Variants in SAMD4A observed in about 807,000 individuals in gnomAD.
The protein encoded by SAMD4A is sterile alpha motif domain containing 4A, also known as protein Smaug homolog 1.
SAMD4A carries 33 observed loss-of-function variants against 81.3 expected under a neutral mutation model. The observed-to-expected ratio is 0.41, with a 90% CI of 0.31 to 0.54. The LOEUF is 0.54. Ranked by LOEUF, SAMD4A falls within the 20% of genes least tolerant of loss-of-function variation. The pLI is 0.37. For missense variants in SAMD4A, 854 were observed against 951.1 expected, an observed-to-expected ratio of 0.90 and a Z score of 1.34; for synonymous variants, 389 against 382.1, an observed-to-expected ratio of 1.02 and a Z score of -0.21.
intron 8 of SAMD4A, among the ~76,000 whole-genome samples, chr14:54,767,521 T>C (rs867920194): frequency 1.3e-5 from 2 of 152,204 alleles, no homozygotes; most frequent in African/African-American, 4.8e-5. Context: ...AGATGAGCTC[T>C]TGCCGCTTTA....
intron 2 of SAMD4A, among the ~76,000 whole-genome samples, chr14:54,571,048 G>A (rs1053688600): frequency 5.3e-5 from 8 of 152,110 alleles, no homozygotes; most frequent in African/African-American, 1.9e-4. Flanking sequence ...AAAATTACTA[G>A]TAATAGTATG....
chr14:54,722,223 A>G (rs2037278305), intron 3 of SAMD4A, among the ~76,000 whole-genome samples: 1 of 152,190 alleles, frequency 6.6e-6, no homozygotes, highest in Non-Finnish European at 1.5e-5. Context: ...AGGTCCCATA[A>G]TATGTCTCAG....
At chr14:54,742,040 A>AAT (rs1196351331) in intron 4 of SAMD4A, among the ~76,000 whole-genome samples, 1 of 152,108 alleles carries the variant, frequency 6.6e-6, no homozygotes, top group Non-Finnish European at 1.5e-5. Flanking sequence ...AGCAGAGTGG[A>AAT]ATATACATCA....
At chr14:54,566,102 G>A (rs902637269), upstream of SAMD4A, among the ~76,000 whole-genome samples, 6 of 151,506 alleles carry the variant, frequency 4.0e-5, no homozygotes, top group African/African-American at 1.4e-4. Flanking sequence ...TCCGGCTCGG[G>A]CGGCTCAGTC....
chr14:54,727,951 A>T (rs917331407), intron 3 of SAMD4A, among the ~76,000 whole-genome samples: 4 of 152,100 alleles, frequency 2.6e-5, no homozygotes, highest in Admixed American at 1.3e-4. Context: ...AGCCCTCCTG[A>T]TCACCCTCAC....
chr14:54,696,064 G>C (rs371385619), intron 2 of SAMD4A, among the ~76,000 whole-genome samples: 1 of 151,704 alleles, frequency 6.6e-6, no homozygotes, highest in African/African-American at 2.4e-5. Flanking sequence ...CATAACTCCA[G>C]ACTGGGTTCC....
At chr14:54,713,656 C>T (rs980100457) in intron 3 of SAMD4A, among the ~76,000 whole-genome samples, 1 of 152,140 alleles carries the variant, frequency 6.6e-6, no homozygotes, top group Non-Finnish European at 1.5e-5. Flanking sequence ...TGAGATGCAT[C>T]CTTTTGGAAA....
intron 2 of SAMD4A, among the ~76,000 whole-genome samples, chr14:54,653,767 C>T (rs2035459803): frequency 6.6e-6 from 1 of 152,122 alleles, no homozygotes; most frequent in African/African-American, 2.4e-5. Context: ...GGCGAGGAAG[C>T]AGAAGACCTG....
intron 2 of SAMD4A, among the ~76,000 whole-genome samples, chr14:54,672,131 C>T (rs2140518322): frequency 6.7e-6 from 1 of 149,902 alleles, no homozygotes; most frequent in Non-Finnish European, 1.5e-5. Context: ...TGCCTTGTTG[C>T]CCAGGCTGGA....
chr14:54,721,913 C>T (rs181087364), intron 3 of SAMD4A, among the ~76,000 whole-genome samples: 169 of 152,128 alleles, frequency 1.1e-3, no homozygotes, highest in Middle Eastern at 3.4e-3. Context: ...GTGAAAATGC[C>T]CAGTCTTTTT....
chr14:54,591,087 TC>T (rs2033761591), intron 2 of SAMD4A, among the ~76,000 whole-genome samples: 1 of 152,200 alleles, frequency 6.6e-6, no homozygotes, highest in Admixed American at 6.5e-5. Flanking sequence ...GGGCTATTTT[TC>T]TGGCTGTCAC....
At chr14:54,594,502 C>T (rs1181147779) in intron 2 of SAMD4A, among the ~76,000 whole-genome samples, 2 of 152,078 alleles carry the variant, frequency 1.3e-5, no homozygotes, top group Non-Finnish European at 2.9e-5. Flanking sequence ...ATACAGACCA[C>T]ATGCAGTTTC....
intron 2 of SAMD4A, among the ~76,000 whole-genome samples, chr14:54,685,020 A>C (rs2036224538): frequency 6.6e-6 from 1 of 152,246 alleles, no homozygotes; most frequent in African/African-American, 2.4e-5. Context: ...TGTTAGAAAA[A>C]ACTGGAGACT....
chr14:54,617,303 T>C (rs1200761282), intron 2 of SAMD4A, among the ~76,000 whole-genome samples: 7 of 152,176 alleles, frequency 4.6e-5, no homozygotes, highest in Non-Finnish European at 1.0e-4. Context: ...CAAAAGTAAA[T>C]ATAACTGTGC....
At chr14:54,594,080 G>C (rs899891070) in intron 2 of SAMD4A, among the ~76,000 whole-genome samples, 4 of 151,884 alleles carry the variant, frequency 2.6e-5, no homozygotes, top group African/African-American at 9.7e-5. Context: ...AAACATGATT[G>C]CTATTAAAAA....
chr14:54,707,671 G>T (rs1211828163), intron 3 of SAMD4A, among the ~76,000 whole-genome samples: 1 of 152,122 alleles, frequency 6.6e-6, no homozygotes, highest in Non-Finnish European at 1.5e-5. Context: ...CATGAAACAG[G>T]GTGGTCAGGG....
intron 3 of SAMD4A, among the ~76,000 whole-genome samples, chr14:54,716,021 A>G (rs1488621797): frequency 1.3e-5 from 2 of 152,186 alleles, no homozygotes; most frequent in Non-Finnish European, 2.9e-5. Flanking sequence ...CTTGAAAGCC[A>G]TTCTTGCTTG....
chr14:54,647,859 A>AG (rs1486025548), intron 2 of SAMD4A, among the ~76,000 whole-genome samples: 1 of 152,252 alleles, frequency 6.6e-6, no homozygotes, highest in Non-Finnish European at 1.5e-5. Context: ...TGTACTATCC[A>AG]GTAGAACTTC....
At chr14:54,775,280 C>A in intron 10 of SAMD4A, 145 bp downstream of exon 10, 1 of 866,890 alleles carries the variant, frequency 1.2e-6, no homozygotes, top group Non-Finnish European at 1.8e-6. Flanking sequence ...GAGGTAACAG[C>A]ATTGTTCGCG....
Sources: gnomAD v4.1 joint callset for allele counts (sites outside exome capture counted in the v4.1 genomes callset) on GRCh38, gnomAD v4.1.1 for gene constraint, MANE v1.5 for transcripts, NCBI Gene and HGNC (gene_info 2026-07-23, HGNC 2026-07-21) for gene names.